PALM2AKAP2: variants seen among roughly 807,000 people sequenced by gnomAD.
PALM2AKAP2 encodes PALM2-AKAP2 fusion protein.
A neutral mutation model predicts 71.5 loss-of-function variants in PALM2AKAP2; 37 were observed. That is an observed-to-expected ratio of 0.52 (90% confidence interval 0.40 to 0.68). The LOEUF is 0.68. Among genes scored for constraint, PALM2AKAP2 ranks in the 30% least tolerant of loss-of-function variants. The probability of loss-of-function intolerance (pLI) is 0.00; values close to 1 mark genes in which losing one functional copy is unlikely to be tolerated. For missense variants in PALM2AKAP2, 1,224 were observed against 1,191.8 expected, an observed-to-expected ratio of 1.03 and a Z score of -0.40; for synonymous variants, 468 against 478.8, an observed-to-expected ratio of 0.98 and a Z score of 0.29.
intron 1 of PALM2AKAP2, among the ~76,000 whole-genome samples, chr9:110,135,470 G>T (rs559093837): frequency 6.6e-6 from 1 of 151,626 alleles, no homozygotes; most frequent in African/African-American, 2.4e-5. Context: ...CTGGAGGAGA[G>T]GTACCATTGG....
intron 1 of PALM2AKAP2, among the ~76,000 whole-genome samples, chr9:110,095,330 CTATT>C (rs1358041148): frequency 3.9e-5 from 6 of 152,110 alleles, no homozygotes. Context: ...GGATGGAAAC[CTATT>C]TAGTTATTGA....
At chr9:110,131,162 A>G (rs1446960433) in intron 1 of PALM2AKAP2, among the ~76,000 whole-genome samples, 2 of 152,142 alleles carry the variant, frequency 1.3e-5, no homozygotes, top group African/African-American at 4.8e-5. Context: ...GCCCCGATCA[A>G]GTATGTGAAA....
At position 109,841,224 on chromosome 9, in the gene PALM2AKAP2, G is replaced by A. The variant is rs574014898; in HGVS notation, c.46-26267G>A. Among the ~76,000 whole-genome samples the A allele has an allele frequency of 6.6e-5, 10 of 151,780 alleles. No individual in the cohort carries two copies. The East Asian group carries it at 1.4e-3, about 21-fold the overall frequency. ...AGTTCATGTCCTTTTTAGGGACATG[G>A]ATGAAGCTGGAAACCATCATTCTCA... is the stretch of plus-strand genomic sequence containing the variant. On this transcript the variant is annotated intron_variant, in intron 1 of 9. Transcript: ENST00000302798.
At chr9:109,780,171 T>C, upstream of PALM2AKAP2, 1 of 495,464 alleles carries the variant, frequency 2.0e-6, no homozygotes, top group Non-Finnish European at 2.6e-6. Context: ...AGCGCCGGGC[T>C]AGCGCGCCCT....
chr9:109,854,373 G>A (rs1274988057), intron 1 of PALM2AKAP2, among the ~76,000 whole-genome samples: 3 of 152,192 alleles, frequency 2.0e-5, no homozygotes, highest in East Asian at 1.9e-4. Flanking sequence ...TTCCTATTCC[G>A]AGCCTCTCAG....
chr9:109,848,581 G>C (rs1443102818), intron 1 of PALM2AKAP2, among the ~76,000 whole-genome samples: 1 of 152,008 alleles, frequency 6.6e-6, no homozygotes, highest in East Asian at 1.9e-4. Context: ...CTCTAATAGG[G>C]CTCTGAATTG....
intron 1 of PALM2AKAP2, among the ~76,000 whole-genome samples, chr9:110,085,165 C>T (rs148602076): frequency 2.0e-5 from 3 of 152,200 alleles, no homozygotes; most frequent in East Asian, 3.9e-4. Flanking sequence ...GGAAGCAGGC[C>T]GAAGTGGTGA....
chr9:109,831,638 A>T (rs1396399503), intron 1 of PALM2AKAP2, among the ~76,000 whole-genome samples: 1 of 152,348 alleles, frequency 6.6e-6, no homozygotes, highest in African/African-American at 2.4e-5. Context: ...CAGTCAGAGT[A>T]GCAGAATAAG....
intron 6 of PALM2AKAP2, among the ~76,000 whole-genome samples, chr9:109,994,435 T>C (rs1184561585): frequency 6.6e-6 from 1 of 152,226 alleles, no homozygotes; most frequent in East Asian, 1.9e-4. Context: ...TTTCCAATCA[T>C]ACAAGCACTC....
chr9:109,839,072 GAC>G (rs1026053808), intron 1 of PALM2AKAP2, among the ~76,000 whole-genome samples: 1 of 152,066 alleles, frequency 6.6e-6, no homozygotes, highest in Non-Finnish European at 1.5e-5. Context: ...GCTTGGCAGA[GAC>G]ACAACAAAAA....
At chr9:110,095,877 T>C (rs1208602801) in intron 1 of PALM2AKAP2, among the ~76,000 whole-genome samples, 1 of 152,154 alleles carries the variant, frequency 6.6e-6, no homozygotes, top group Non-Finnish European at 1.5e-5. Flanking sequence ...TTGTCCTCTT[T>C]TGGGGCTGGG....
chr9:109,792,324 G>T (rs1200345523), intron 1 of PALM2AKAP2, among the ~76,000 whole-genome samples: 1 of 152,192 alleles, frequency 6.6e-6, no homozygotes, highest in Non-Finnish European at 1.5e-5. Flanking sequence ...ACTGGGTCTC[G>T]CTATGTTGCT....
intron 1 of PALM2AKAP2, among the ~76,000 whole-genome samples, chr9:109,862,319 T>C (rs1417454363): frequency 6.6e-6 from 1 of 152,184 alleles, no homozygotes; most frequent in Admixed American, 6.5e-5. Context: ...TGGTTCTGGC[T>C]TCATGCATGA....
At chr9:110,015,874 T>G in intron 6 of PALM2AKAP2, 80 bp from the exon 7 acceptor site, 1 of 1,295,320 alleles carries the variant, frequency 7.7e-7, no homozygotes, top group Non-Finnish European at 1.1e-6. Context: ...CACATGGGAT[T>G]GTAATCTGAG....
chr9:110,008,881 G>T (rs1238721648), intron 6 of PALM2AKAP2, among the ~76,000 whole-genome samples: 1 of 151,702 alleles, frequency 6.6e-6, no homozygotes, highest in Non-Finnish European at 1.5e-5. Context: ...TTCTGGGCTG[G>T]AGCATTTAAC....
chr9:109,877,440 G>C (rs139202332), intron 2 of PALM2AKAP2, among the ~76,000 whole-genome samples: 70 of 152,176 alleles, frequency 4.6e-4, no homozygotes, highest in Non-Finnish European at 7.5e-4. Context: ...AGGCTACAGG[G>C]GGAACAGATG....
intron 3 of PALM2AKAP2, among the ~76,000 whole-genome samples, chr9:109,893,371 A>G (rs536534744): frequency 6.6e-6 from 1 of 152,378 alleles, no homozygotes; most frequent in East Asian, 1.9e-4. Context: ...GGATTTGACA[A>G]GAATCCAGAC....
At chr9:110,015,907 T>C (rs1250313820) in intron 6 of PALM2AKAP2, 47 bp from the exon 7 acceptor site, 5 of 1,526,578 alleles carry the variant, frequency 3.3e-6, no homozygotes, top group Non-Finnish European at 3.6e-6. Context: ...TGTATCCATG[T>C]CAGCTGAATG....
chr9:109,691,857 TATATATATATACACACACACACAC>T (rs1202886127), intron 1 of PALM2AKAP2, among the ~76,000 whole-genome samples: 3,267 of 45,862 alleles, frequency 0.071, 125 homozygotes, highest in Middle Eastern at 0.1. Flanking sequence ...TATATATATA[TATATATATATACACACACACACAC>T]ATATATATAT....
Sources: gnomAD v4.1 joint callset for allele counts (sites outside exome capture counted in the v4.1 genomes callset) on GRCh38, gnomAD v4.1.1 for gene constraint, MANE v1.5 for transcripts, NCBI Gene and HGNC (gene_info 2026-07-23, HGNC 2026-07-21) for gene names.